The following NRXN3 variants were observed in gnomAD, a reference collection of about 807,000 sequenced individuals.
NRXN3 encodes the protein neurexin 3.
In NRXN3, 32 loss-of-function variants were observed where a neutral mutation model predicts 137.6. That is an observed-to-expected ratio of 0.23 (90% confidence interval 0.18 to 0.31). The LOEUF is 0.31. NRXN3 is among the 10% of genes least tolerant of loss of function. The pLI, the probability that NRXN3 is intolerant of heterozygous loss-of-function variation, is 1.00. For synonymous variants in NRXN3, 798 were observed against 784.5 expected (o/e 1.02, Z -0.29); for missense variants, 1,574 against 2,062.5 (o/e 0.76, Z 4.59).
At chr14:79,507,744 G>A (rs2096891939) in intron 16 of NRXN3, among the ~76,000 whole-genome samples, 1 of 152,168 alleles carries the variant, frequency 6.6e-6, no homozygotes, top group African/African-American at 2.4e-5. Context: ...TGAATTTATA[G>A]ATGAGATCTT....
At chr14:78,597,726 C>G (rs909305966) in intron 4 of NRXN3, among the ~76,000 whole-genome samples, 2 of 152,208 alleles carry the variant, frequency 1.3e-5, no homozygotes, top group African/African-American at 2.4e-5. Flanking sequence ...TTCAAGGAAG[C>G]CTCCTCTTCG....
intron 10 of NRXN3, among the ~76,000 whole-genome samples, chr14:78,859,563 C>T (rs554289350): frequency 1.8e-4 from 27 of 152,142 alleles, no homozygotes; most frequent in African/African-American, 5.8e-4. Flanking sequence ...CATCAGAATT[C>T]CCCTCTTTGC....
rs542587093 is a variant in NRXN3, at chr14:78,478,342, G to A, written c.758-166778G>A. Reference sequence around the variant, plus strand: ...AGGAACATTATTAATACTGTGTGGGGCCAACATGGAATGCTTCATGGAGGA... The same window carrying A: ...AGGAACATTATTAATACTGTGTGGGACCAACATGGAATGCTTCATGGAGGA... On this transcript the variant is annotated intron_variant, in intron 4 of 20. Coordinates refer to ENST00000335750, the MANE Select transcript of NRXN3 (RefSeq NM_001330195.2). Among the ~76,000 whole-genome samples, 11 of 152,222 alleles carry A rather than the reference G, an allele frequency of 7.2e-5. No individual in the cohort carries two copies. The East Asian group carries it at 2.1e-3, about 29-fold the overall frequency.
chr14:79,351,289 T>C (rs1189670977), intron 15 of NRXN3, among the ~76,000 whole-genome samples: 2 of 152,234 alleles, frequency 1.3e-5, no homozygotes, highest in Non-Finnish European at 2.9e-5. Flanking sequence ...GGTGGGAATT[T>C]CTCATTCTTT....
intron 10 of NRXN3, among the ~76,000 whole-genome samples, chr14:78,862,259 GATAGATAGATAA>G (rs1178421523): frequency 4.6e-5 from 7 of 151,892 alleles, no homozygotes; most frequent in African/African-American, 1.7e-4. Context: ...TAGATAGATA[GATAGATAGATAA>G]ATAGATAGAT....
chr14:79,858,739 C>G (rs2099408058), intron 20 of NRXN3, among the ~76,000 whole-genome samples: 1 of 152,104 alleles, frequency 6.6e-6, no homozygotes, highest in African/African-American at 2.4e-5. Flanking sequence ...TTCACTTCCT[C>G]TCTCTCATCA....
chr14:78,345,021 G>A (rs2153585392), intron 4 of NRXN3, among the ~76,000 whole-genome samples: 1 of 152,280 alleles, frequency 6.6e-6, no homozygotes, highest in African/African-American at 2.4e-5. Flanking sequence ...AATTGTGTTG[G>A]GAGGGTATGA....
Position 78,992,700 on chromosome 14 carries a change from A to C in NRXN3, c.3262+4559A>C, listed in dbSNP as rs149908076. Among the ~76,000 whole-genome samples, 7 of 152,316 alleles carry C rather than the reference A, an allele frequency of 4.6e-5. No homozygotes were observed. The East Asian group carries it at 1.3e-3, about 29-fold the overall frequency. On this transcript the variant is annotated intron_variant, in intron 15 of 20. Coordinates refer to ENST00000335750, the MANE Select transcript of NRXN3 (RefSeq NM_001330195.2). ...TGTCATTTTTATGGACTTTGTGAAA[A>C]TAGCAGTTTTAAACATTTCATACCT...
At chr14:78,553,504 C>T (rs1214465444) in intron 4 of NRXN3, among the ~76,000 whole-genome samples, 3 of 152,192 alleles carry the variant, frequency 2.0e-5, no homozygotes, top group African/African-American at 7.2e-5. Context: ...CAATGGGGCA[C>T]TCTAGCCCCA....
intron 16 of NRXN3, among the ~76,000 whole-genome samples, chr14:79,632,850 G>T (rs189367774): frequency 6.6e-6 from 1 of 152,090 alleles, no homozygotes; most frequent in East Asian, 1.9e-4. Flanking sequence ...ATTCTCCATT[G>T]GCTTGTTTCC....
chr14:79,300,286 C>T (rs1050518289), intron 15 of NRXN3, among the ~76,000 whole-genome samples: 1 of 152,058 alleles, frequency 6.6e-6, no homozygotes, highest in African/African-American at 2.4e-5. Context: ...CTGGGGAAAT[C>T]CTCATACATG....
intron 9 of NRXN3, among the ~76,000 whole-genome samples, chr14:78,809,472 C>G (rs1184309240): frequency 6.6e-6 from 1 of 152,158 alleles, no homozygotes; most frequent in Admixed American, 6.6e-5. Flanking sequence ...GGGGGTTGAT[C>G]TGGGAGCCTT....
intron 4 of NRXN3, among the ~76,000 whole-genome samples, chr14:78,314,562 G>A (rs533753130): frequency 6.6e-6 from 1 of 152,166 alleles, no homozygotes; most frequent in Non-Finnish European, 1.5e-5. Context: ...CCTGGACATA[G>A]TGTGCATCAT....
In NRXN3 at chr14:78,242,456, C is replaced by A. The variant is rs1272082834; in HGVS notation, c.-638C>A. On this transcript the variant is annotated 5_prime_UTR_variant, in exon 2 of 21. It adds an upstream start codon to the 5' untranslated region. Coordinates refer to ENST00000335750, the MANE Select transcript of NRXN3 (RefSeq NM_001330195.2). ...ACTGCTTCTGGCCGCACCATGAAGC[C>A]TGAGTCTGCTTGCGCTCTGCCCAGG... The A allele has an allele frequency of 6.6e-6, 1 of 152,372 alleles. No homozygotes were observed. 9.4% of individuals were successfully genotyped at this position (152,372 alleles called of 1,614,324 possible).
chr14:78,792,862 A>G (rs1270975574), intron 8 of NRXN3, among the ~76,000 whole-genome samples: 1 of 152,196 alleles, frequency 6.6e-6, no homozygotes. Context: ...ACAAATACGA[A>G]CAAACTTTGG....
chr14:79,340,185 GT>G (rs2092523301), intron 15 of NRXN3, among the ~76,000 whole-genome samples: 2 of 151,648 alleles, frequency 1.3e-5, no homozygotes, highest in African/African-American at 2.4e-5. Context: ...GTGTGTGTGT[GT>G]GTGTATGTGT....
intron 15 of NRXN3, among the ~76,000 whole-genome samples, chr14:79,276,021 A>G (rs1445321950): frequency 6.6e-6 from 1 of 152,172 alleles, no homozygotes; most frequent in East Asian, 1.9e-4. Context: ...GTAGCTATAC[A>G]CTTGATTCCC....
At chr14:79,479,044 T>C (rs1236048244) in intron 16 of NRXN3, among the ~76,000 whole-genome samples, 1 of 152,142 alleles carries the variant, frequency 6.6e-6, no homozygotes, top group Non-Finnish European at 1.5e-5. Flanking sequence ...CTAGTGATCA[T>C]GTGCAATGAG....
chr14:79,159,912 T>C (rs2060601677), intron 15 of NRXN3, among the ~76,000 whole-genome samples: 1 of 151,920 alleles, frequency 6.6e-6, no homozygotes, highest in Non-Finnish European at 1.5e-5. Flanking sequence ...TTCCACGAAC[T>C]TTTGGAAGAC....
Sources: gnomAD v4.1 joint callset for allele counts (sites outside exome capture counted in the v4.1 genomes callset) on GRCh38, gnomAD v4.1.1 for gene constraint, MANE v1.5 for transcripts, NCBI Gene and HGNC (gene_info 2026-07-23, HGNC 2026-07-21) for gene names.